Variants in AASDH observed in about 807,000 individuals in gnomAD.
The protein encoded by AASDH is aminoadipate-semialdehyde dehydrogenase.
Under a neutral mutation model 102.3 loss-of-function variants are expected in AASDH, and 81 were observed. That is an observed-to-expected ratio of 0.79 (90% CI 0.66 to 0.95). The LOEUF (loss-of-function observed/expected upper bound fraction) is 0.95, where lower values mean the gene tolerates loss of function less well. Among genes scored for constraint, AASDH ranks in the 40% least tolerant of loss-of-function variants. The pLI, the probability that AASDH is intolerant of heterozygous loss-of-function variation, is 0.00. For missense variants in AASDH, 1,203 were observed against 1,266.2 expected (o/e 0.95, Z 0.76); for synonymous variants, 398 against 454.0 (o/e 0.88, Z 1.57).
rs181831905 is a variant in AASDH, at chr4:56,368,658, G to A, written c.861+2793C>T. ...ACCGCATGTTCTCACTCATGGGTGG[G>A]AATTGAACAGTGAGAACACATGGAC... On this transcript the variant is annotated intron_variant, in intron 5 of 14. Coordinates refer to ENST00000205214, the MANE Select transcript of AASDH (RefSeq NM_181806.4). Among the ~76,000 whole-genome samples, 1,276 of 141,110 alleles carry A rather than the reference G, an allele frequency of 9.0e-3. 14 individuals carry two copies. Among genetic ancestry groups the A allele is most frequent in the Middle Eastern group, 0.072 (19 of 264 alleles). The allele number at this position is 141,110 out of a possible 152,430, so 92.6% of individuals were successfully genotyped here.
chr4:56,378,108 A>G (rs1481111329), intron 4 of AASDH, 40 bp downstream of exon 4: 1 of 1,543,852 alleles, frequency 6.5e-7, no homozygotes, highest in South Asian at 1.3e-5. Context: ...ACCTGGCCTA[A>G]AATATAGATT....
At chr4:56,343,043 C>T in intron 13 of AASDH, 77 bp from the exon 14 acceptor site, 1 of 1,342,858 alleles carries the variant, frequency 7.4e-7, no homozygotes. Flanking sequence ...CAAACTCATA[C>T]ATCTCCTAGG....
At position 56,354,134 on chromosome 4, in the gene AASDH, C is replaced by T; in HGVS notation, c.1288G>A (p.Val430Met). The change falls in exon 8 of 15, where the codon GTG becomes ATG. Residue 430 changes from valine to methionine, a missense_variant. Val to Met is a conservative substitution (Grantham distance 21). Transcript: ENST00000205214. ...AAAATCTCTCCATCTTTCACAGTCACAAAGTCTCCTGTAGCTCGCATTGTG... is the reference window on the plus strand; with the variant it reads ...AAAATCTCTCCATCTTTCACAGTCATAAAGTCTCCTGTAGCTCGCATTGTG... ...LGTMRATGDF[V>M]TVKDGEIFFL... The T allele has an allele frequency of 6.2e-7, 1 of 1,613,456 alleles. No individual in the cohort carries two copies. Among genetic ancestry groups the T allele is most frequent in the South Asian group, 1.1e-5 (1 of 90,990 alleles).
intron 14 of AASDH, 108 bp from the exon 15 acceptor site, chr4:56,338,899 G>T (rs1392616545): frequency 5.1e-5 from 57 of 1,109,186 alleles, no homozygotes; most frequent in Non-Finnish European, 3.7e-5. Flanking sequence ...TAGGCTATTT[G>T]AATGGTAACT....
In AASDH at chr4:56,355,190, A is replaced by G. The variant is rs1315183315; in HGVS notation, c.1095T>C (p.Ser365=). 1.2e-6 allele frequency: 2 copies of G among 1,613,424 alleles called. No individual in the cohort carries two copies. The highest frequency in any genetic ancestry group is 1.3e-5 in the African/African-American group (1 of 74,866). The change falls in exon 6 of 15, where the codon TCT becomes TCC. Residue 365 remains serine (S), a synonymous_variant. Coordinates refer to ENST00000205214, the MANE Select transcript of AASDH (RefSeq NM_181806.4). The part of the protein sequence containing the change: ...IYRIPEKTLN[S]TLKCELPVQL... ...ACAATGAAAACCCTTACTTGAGAGT[A>G]GAGTTAAGAGTCTTCTCTGGAATCC... is the stretch of plus-strand genomic sequence containing the variant.
chr4:56,358,136 T>C (rs140067203), intron 5 of AASDH, among the ~76,000 whole-genome samples: 1 of 152,038 alleles, frequency 6.6e-6, no homozygotes, highest in African/African-American at 2.4e-5. Context: ...TTAATACATA[T>C]ACATATATAT....
intron 3 of AASDH, 196 bp downstream of exon 3, chr4:56,382,281 A>G: frequency 2.0e-6 from 1 of 508,258 alleles, no homozygotes; most frequent in Non-Finnish European, 3.3e-6. Flanking sequence ...GTGGAGGTCA[A>G]ATATATTGCT....
At chr4:56,371,369 C>T in intron 5 of AASDH, 82 bp downstream of exon 5, 1 of 1,385,880 alleles carries the variant, frequency 7.2e-7, no homozygotes. Flanking sequence ...TTGTAAAGAA[C>T]TACAGGAATA....
intron 11 of AASDH, among the ~76,000 whole-genome samples, chr4:56,347,040 T>TG (rs1748411697): frequency 1.5e-5 from 2 of 133,636 alleles, no homozygotes; most frequent in African/African-American, 5.5e-5. Context: ...GACGCTGTCT[T>TG]AAAAAAAAAA....
rs77704196 is a variant in AASDH at position 56,348,933 on chromosome 4, G to T, written c.2488+330C>A. 2,738 of 284,724 alleles carry T rather than the reference G, an allele frequency of 9.6e-3. 82 individuals carry two copies. Among genetic ancestry groups the T allele is most frequent in the African/African-American group, 0.055 (2,519 of 45,430 alleles). The allele number at this position is 284,724 out of a possible 1,614,324, so 17.6% of individuals were successfully genotyped here. ...AGAAACTATGAGACAATAAATTTGT[G>T]TTGTTCTAGGTTGTTGAGTTTTGGG... On this transcript the variant is annotated intron_variant, in intron 11 of 14. Transcript: ENST00000205214.
intron 3 of AASDH, among the ~76,000 whole-genome samples, chr4:56,379,328 T>G (rs1752711140): frequency 1.3e-5 from 2 of 152,124 alleles, no homozygotes; most frequent in Non-Finnish European, 2.9e-5. Flanking sequence ...AGACGATGTC[T>G]CACTATGTTA....
rs575687659 is a variant in AASDH, at chr4:56,341,389, C to CTTTTTTTTTTTTTTTTTT, written c.2907+1428_2907+1445dup. Reference sequence around the variant, plus strand: ...CATGGATGGAACTGGAGACTTTTATCTTTTTTTTTTTTTTTTTTTTTGGAG... The same window carrying CTTTTTTTTTTTTTTTTTT: ...CATGGATGGAACTGGAGACTTTTATCTTTTTTTTTTTTTTTTTTTTTTTTTTTTTTTTTTTTTTTGGAG... On this transcript the variant is annotated intron_variant, in intron 14 of 14. Coordinates refer to ENST00000205214, the MANE Select transcript of AASDH (RefSeq NM_181806.4). Among the ~76,000 whole-genome samples the CTTTTTTTTTTTTTTTTTT allele has an allele frequency of 4.4e-4, 41 of 92,416 alleles. 1 individual carries two copies. The highest frequency in any genetic ancestry group is 9.1e-4 in the African/African-American group (21 of 23,136). The allele number at this position is 92,416 out of a possible 152,430, so 60.6% of individuals were successfully genotyped here.
chr4:56,379,078 G>A (rs1364380083), intron 3 of AASDH, among the ~76,000 whole-genome samples: 2 of 151,810 alleles, frequency 1.3e-5, no homozygotes, highest in African/African-American at 2.4e-5. Context: ...TAGCAGAGAC[G>A]GGGTTTCACC....
intron 4 of AASDH, among the ~76,000 whole-genome samples, chr4:56,374,204 C>T (rs1322709937): frequency 1.3e-5 from 2 of 151,888 alleles, no homozygotes; most frequent in East Asian, 3.9e-4. Flanking sequence ...GATGGTGAAA[C>T]CCTGTCTCTA....
In AASDH at chr4:56,338,564, C is replaced by G; in HGVS notation, c.3135G>C (p.Gly1045=). 6.2e-7 allele frequency: 1 copy of G among 1,614,146 alleles called. No homozygotes were observed. Among genetic ancestry groups the G allele is most frequent in the African/African-American group, 1.3e-5 (1 of 75,054 alleles). Residue 1045 remains glycine (G), a synonymous_variant, in exon 15 of 15, where the codon GGG becomes GGC. Coordinates refer to ENST00000205214, the MANE Select transcript of AASDH (RefSeq NM_181806.4). ...TCTGAGATTCCAAGATCCACACTTT[C>G]CCATCAGTAGATGCTGCTGCCAGCA... The part of the protein sequence containing the change: ...EMLLAAASTD[G]KVWILESQSG...
intron 4 of AASDH, among the ~76,000 whole-genome samples, chr4:56,374,507 T>C (rs1339192447): frequency 6.6e-6 from 1 of 151,962 alleles, no homozygotes; most frequent in Non-Finnish European, 1.5e-5. Flanking sequence ...GTGGTTTTAC[T>C]CCCAGGAAGG....
At chr4:56,365,434 C>T (rs1425367660) in intron 5 of AASDH, among the ~76,000 whole-genome samples, 1 of 152,066 alleles carries the variant, frequency 6.6e-6, no homozygotes, top group Admixed American at 6.6e-5. Context: ...CAGCACCACA[C>T]CACACCTATT....
In AASDH at chr4:56,349,695, G is replaced by A; in HGVS notation, c.2056C>T (p.Gln686Ter). Residue 686 changes from glutamine (Q) to a stop codon, truncating the protein, a stop_gained, in exon 11 of 15, where the codon CAA becomes TAA. Coordinates refer to ENST00000205214, the MANE Select transcript of AASDH (RefSeq NM_181806.4). LOFTEE classifies it high-confidence loss of function. Reference protein sequence around the residue: ...NAFVVLSRGSQILSLNSTRFL... With the variant: ...NAFVVLSRGS Reference sequence around the variant, plus strand: ...CTAGTGGAATTCAGAGACAAAATTTGACTCCCTCTGCTCAGTACAACAAAA... The same window carrying A: ...CTAGTGGAATTCAGAGACAAAATTTAACTCCCTCTGCTCAGTACAACAAAA... 1 of 1,614,138 alleles carries A rather than the reference G, an allele frequency of 6.2e-7. No homozygotes were observed. The highest frequency in any genetic ancestry group is 1.3e-5 in the African/African-American group (1 of 75,052).
In AASDH at chr4:56,349,272, TAA is replaced by T; in HGVS notation, c.2477_2478del (p.Phe826TyrfsTer7). On this transcript the variant is annotated frameshift_variant, in exon 11 of 15. Coordinates refer to ENST00000205214, the MANE Select transcript of AASDH (RefSeq NM_181806.4). LOFTEE classifies it high-confidence loss of function. ...SSACVSKCGNFIVVGCYNGLV... is the reference protein window; with the variant it reads ...SSACVSKCGNXIVVGCYNGLV... ...AAATTCAAAAACTTACCCACCACAATAAAGTTTCCACACTTAGATACACATGC... is the reference window on the plus strand; with the variant it reads ...AAATTCAAAAACTTACCCACCACAATAGTTTCCACACTTAGATACACATGC... The T allele has an allele frequency of 6.2e-7, 1 of 1,614,054 alleles. No homozygotes were observed. Among genetic ancestry groups the T allele is most frequent in the Non-Finnish European group, 8.5e-7 (1 of 1,179,976 alleles).
Sources: allele counts gnomAD v4.1 joint callset (sites outside exome capture counted in the v4.1 genomes callset), GRCh38; gene constraint gnomAD v4.1.1; transcripts MANE v1.5; gene names NCBI Gene and HGNC (gene_info 2026-07-23, HGNC 2026-07-21).